Variants in PLXDC2 observed in about 807,000 individuals in gnomAD.
The protein encoded by PLXDC2 is plexin domain containing 2, also known as plexin domain-containing protein 2.
A neutral mutation model predicts 68.9 loss-of-function variants in PLXDC2; 40 were observed. The ratio of observed to expected loss-of-function variants is 0.58; its 90% confidence interval spans 0.45 to 0.76. The LOEUF (loss-of-function observed/expected upper bound fraction) is 0.76. Ranked by LOEUF, PLXDC2 falls within the 30% of genes least tolerant of loss-of-function variation. PLXDC2 has a pLI of 0.00. For synonymous variants in PLXDC2, 243 were observed against 234.2 expected (o/e 1.04, Z -0.34); for missense variants, 644 against 661.9 (o/e 0.97, Z 0.30).
intron 1 of PLXDC2, among the ~76,000 whole-genome samples, chr10:19,978,556 T>A (rs2131617854): frequency 6.6e-6 from 1 of 152,282 alleles, no homozygotes; most frequent in South Asian, 2.1e-4. Flanking sequence ...TCAGATTTAA[T>A]TTCACCCCAG....
chr10:20,273,214 G>A (rs375559473), intron 13 of PLXDC2, among the ~76,000 whole-genome samples: 1 of 152,052 alleles, frequency 6.6e-6, no homozygotes, highest in Non-Finnish European at 1.5e-5. Context: ...ACCAAAAAGT[G>A]CATTCATTCA....
Position 20,283,254 on chromosome 10 carries a change from G to A in PLXDC2, c.*3435G>A, listed in dbSNP as rs937762902. Reference sequence around the variant, plus strand: ...CTTTAAATCCCCACTGTGTTATCTTGGGAAAATCACTTCAACCTCCTTGAG... The same window carrying A: ...CTTTAAATCCCCACTGTGTTATCTTAGGAAAATCACTTCAACCTCCTTGAG... On this transcript the variant is annotated 3_prime_UTR_variant, in exon 14 of 14. Transcript: ENST00000377252. The A allele has an allele frequency of 2.6e-5, 4 of 152,138 alleles. No individual in the cohort carries two copies. The highest frequency in any genetic ancestry group is 9.7e-5 in the African/African-American group (4 of 41,428). The allele number at this position is 152,138 out of a possible 1,614,324, so 9.4% of individuals were successfully genotyped here. A position where few individuals can be genotyped will look rare whatever the true frequency, so the allele number is the denominator to read the frequency against.
At chr10:19,826,960 C>T (rs1197069548) in intron 1 of PLXDC2, among the ~76,000 whole-genome samples, 1 of 152,172 alleles carries the variant, frequency 6.6e-6, no homozygotes, top group African/African-American at 2.4e-5. Context: ...GCAACTGCAT[C>T]TACTTGTGTT....
chr10:20,073,228 A>G (rs556508533), intron 4 of PLXDC2, among the ~76,000 whole-genome samples: 4 of 152,196 alleles, frequency 2.6e-5, no homozygotes, highest in Non-Finnish European at 5.9e-5. Context: ...AATAAAGGGA[A>G]TGCTTTAAAC....
chr10:20,233,369 T>TA (rs113521840), intron 12 of PLXDC2, among the ~76,000 whole-genome samples: 2 of 149,770 alleles, frequency 1.3e-5, no homozygotes, highest in Non-Finnish European at 3.0e-5. Flanking sequence ...CTACAAAAAT[T>TA]TAAAAAAAGT....
At chr10:20,243,142 GT>G (rs537407404) in intron 12 of PLXDC2, among the ~76,000 whole-genome samples, 231 of 152,334 alleles carry the variant, frequency 1.5e-3, no homozygotes, top group Middle Eastern at 6.8e-3. Context: ...CTACAGCCCA[GT>G]GTTCATTGAG....
chr10:20,201,532 A>C (rs1423161801), intron 9 of PLXDC2, among the ~76,000 whole-genome samples: 1 of 151,838 alleles, frequency 6.6e-6, no homozygotes, highest in Non-Finnish European at 1.5e-5. Context: ...ACAATATAAC[A>C]TATATAATAA....
At chr10:20,162,748 A>G (rs1589660143) in intron 6 of PLXDC2, among the ~76,000 whole-genome samples, 1 of 152,094 alleles carries the variant, frequency 6.6e-6, no homozygotes, top group East Asian at 1.9e-4. Flanking sequence ...TTGATACTGA[A>G]TTTAGGTTAG....
Position 19,878,197 on chromosome 10 carries a change from G to A in PLXDC2, c.112+61006G>A, listed in dbSNP as rs1235808610. On this transcript the variant is annotated intron_variant, in intron 1 of 13. Coordinates refer to ENST00000377252, the MANE Select transcript of PLXDC2 (RefSeq NM_032812.9). ...GGGCATCACATATTTTTTTTTATCA[G>A]ACTCTTGATTTTTTTTTTTAAAGAG... 4.0e-5 allele frequency among the ~76,000 whole-genome samples: 6 copies of A among 148,408 alleles called. No homozygotes were observed. In the East Asian group the frequency reaches 1.2e-3, roughly 30 times the overall value.
At chr10:20,152,027 A>T (rs745396367) in intron 6 of PLXDC2, among the ~76,000 whole-genome samples, 6 of 152,100 alleles carry the variant, frequency 3.9e-5, no homozygotes, top group Non-Finnish European at 8.8e-5. Flanking sequence ...AATTTAGTTA[A>T]GTAAATTTCA....
intron 13 of PLXDC2, among the ~76,000 whole-genome samples, chr10:20,249,581 C>G (rs1835644293): frequency 6.6e-6 from 1 of 152,194 alleles, no homozygotes; most frequent in African/African-American, 2.4e-5. Context: ...CGTTGACCCT[C>G]CAGCCTCCTT....
intron 1 of PLXDC2, among the ~76,000 whole-genome samples, chr10:19,976,776 A>C (rs552081932): frequency 1.3e-5 from 2 of 151,084 alleles, no homozygotes; most frequent in Admixed American, 6.6e-5. Flanking sequence ...TGGGTGGTCT[A>C]TTATTGAGTT....
intron 1 of PLXDC2, among the ~76,000 whole-genome samples, chr10:19,932,569 GA>G (rs1348108635): frequency 6.6e-6 from 1 of 152,024 alleles, no homozygotes; most frequent in East Asian, 1.9e-4. Flanking sequence ...CTCACTTTGG[GA>G]TTATGTTTTC....
chr10:19,963,505 C>A (rs1834195985), intron 1 of PLXDC2, among the ~76,000 whole-genome samples: 1 of 152,050 alleles, frequency 6.6e-6, no homozygotes, highest in South Asian at 2.1e-4. Context: ...TACTATGCAG[C>A]CATAAAAAAT....
rs1834967132 is a variant in PLXDC2, at chr10:20,204,709, TTGAC to T, written c.1062-6957_1062-6954del. On this transcript the variant is annotated intron_variant, in intron 9 of 13. Coordinates refer to ENST00000377252, the MANE Select transcript of PLXDC2 (RefSeq NM_032812.9). ...GACCCACTTTCTGGTTTTATAAAGT[TTGAC>T]TGGCACACAGCCACACCCAATGTGT... is the stretch of plus-strand genomic sequence containing the variant. Among the ~76,000 whole-genome samples the T allele has an allele frequency of 5.3e-5, 8 of 152,334 alleles. No individual in the cohort carries two copies. The South Asian group carries it at 1.4e-3, about 28-fold the overall frequency.
intron 1 of PLXDC2, among the ~76,000 whole-genome samples, chr10:19,820,475 C>G (rs1472762766): frequency 6.7e-6 from 1 of 148,600 alleles, no homozygotes; most frequent in Admixed American, 6.7e-5. Context: ...ACTAAAAATA[C>G]AAAAAAAAAT....
intron 1 of PLXDC2, among the ~76,000 whole-genome samples, chr10:19,879,555 A>G (rs907197669): frequency 2.0e-5 from 3 of 152,212 alleles, no homozygotes; most frequent in Non-Finnish European, 2.9e-5. Flanking sequence ...AGTGATTTAT[A>G]TATTAGACAT....
intron 1 of PLXDC2, among the ~76,000 whole-genome samples, chr10:19,995,154 C>G (rs11597892): frequency 3.9e-4 from 59 of 152,166 alleles, no homozygotes; most frequent in Middle Eastern, 6.8e-3. Context: ...TGAGACATCT[C>G]TGTATCAGTG....
intron 1 of PLXDC2, among the ~76,000 whole-genome samples, chr10:19,870,009 A>C (rs1482655544): frequency 6.6e-6 from 1 of 152,228 alleles, no homozygotes. Flanking sequence ...TGAAGGAACA[A>C]GATAAAGGTA....
Sources: gnomAD v4.1 joint callset for allele counts (sites outside exome capture counted in the v4.1 genomes callset) on GRCh38, gnomAD v4.1.1 for gene constraint, MANE v1.5 for transcripts, NCBI Gene and HGNC (gene_info 2026-07-23, HGNC 2026-07-21) for gene names.